Variants in CROCC2 observed in about 807,000 individuals in gnomAD.
The protein encoded by CROCC2 is ciliary rootlet coiled-coil, rootletin family member 2.
CROCC2 carries 163 observed loss-of-function variants against 177.6 expected under a neutral mutation model. That is an observed-to-expected ratio of 0.92 (90% CI 0.81 to 1.05). The LOEUF (loss-of-function observed/expected upper bound fraction) is 1.05, where lower values mean the gene tolerates loss of function less well. Ranked by LOEUF, CROCC2 falls within the 50% of genes least tolerant of loss-of-function variation. The pLI is 0.00. For synonymous variants in CROCC2, 904 were observed against 787.3 expected, an observed-to-expected ratio of 1.15 and a Z score of -2.48; for missense variants, 1,929 against 1,797.8, an observed-to-expected ratio of 1.07 and a Z score of -1.32.
At chr2:240,951,420 ATCTC>A (rs935688359) in intron 18 of CROCC2, among the ~76,000 whole-genome samples, 18 of 151,812 alleles carry the variant, frequency 1.2e-4, no homozygotes, top group African/African-American at 3.6e-4. Context: ...TCTGTCCATC[ATCTC>A]TCTATCCACC....
chr2:240,989,768 G>A lies in CROCC2; in HGVS notation c.4798G>A (p.Ala1600Thr). The change falls in exon 30 of 32, where the codon GCC becomes ACC. Residue 1600 changes from alanine to threonine, a missense_variant. This residue lies in a region of CROCC2 where 388 missense variants were observed against 352.7 expected (regional missense o/e 1.10). Coordinates refer to ENST00000690015, the MANE Select transcript of CROCC2 (RefSeq NM_001351305.2). The stretch of plus-strand genomic sequence containing the variant: ...GCGTCTCCATGGGGCCCGGCCGCAG[G>A]CCACGCAGGCCCTGGAGTCCCAAGA... Reference protein sequence around the residue: ...AERLHGARPQATQALESQEWT... With the variant: ...AERLHGARPQTTQALESQEWT... 1 of 1,550,148 alleles carries A rather than the reference G, an allele frequency of 6.5e-7. No individual in the cohort carries two copies. Among genetic ancestry groups the A allele is most frequent in the South Asian group, 1.2e-5 (1 of 84,038 alleles).
In CROCC2 at chr2:240,973,811, A is replaced by G. The variant is rs568820816; in HGVS notation, c.4401+5549A>G. On this transcript the variant is annotated intron_variant, in intron 27 of 31. Transcript: ENST00000690015. The surrounding 1 kb of genome is among the most constrained non-coding windows in gnomAD (Gnocchi z 4.7). Reference sequence around the variant, plus strand: ...TTTCAGATTTATTTGTGTTAAGAAAATTGTATTATTTTATAAAATGAGTTG... The same window carrying G: ...TTTCAGATTTATTTGTGTTAAGAAAGTTGTATTATTTTATAAAATGAGTTG... Among the ~76,000 whole-genome samples the G allele has an allele frequency of 2.0e-5, 3 of 152,328 alleles. No homozygotes were observed. The highest frequency in any genetic ancestry group is 2.1e-4 in the South Asian group (1 of 4,824).
At chr2:240,992,983 G>C (rs967735757) in intron 31 of CROCC2, 83 bp from the exon 32 acceptor site, 1 of 694,298 alleles carries the variant, frequency 1.4e-6, no homozygotes, top group Admixed American at 2.1e-5. Flanking sequence ...ACTCAGCATC[G>C]GTCCCTCCAG....
intron 21 of CROCC2, chr2:240,964,076 G>A (rs74001724): frequency 0.055 from 30,598 of 554,366 alleles, 3,290 homozygotes; most frequent in African/African-American, 0.3. Flanking sequence ...GGGGAGCAGA[G>A]GGAGGCCAAC....
intron 27 of CROCC2, among the ~76,000 whole-genome samples, chr2:240,979,594 G>T (rs372139807): frequency 6.5e-5 from 5 of 76,542 alleles, no homozygotes; most frequent in Admixed American, 1.3e-4. Context: ...AGCCTCAGGA[G>T]CCCAGGCTCA....
At chr2:240,945,990 C>A in intron 14 of CROCC2, 70 bp from the exon 15 acceptor site, 1 of 1,242,414 alleles carries the variant, frequency 8.0e-7, no homozygotes, top group Non-Finnish European at 1.1e-6. Flanking sequence ...TTCTTCCCCT[C>A]AAGAGGCCCA....
chr2:240,942,612 T>G (rs946609841), intron 14 of CROCC2, among the ~76,000 whole-genome samples: 6 of 152,230 alleles, frequency 3.9e-5, no homozygotes, highest in African/African-American at 1.2e-4. Context: ...GATATAAGCT[T>G]CTTCTAGAGG....
Position 240,916,772 on chromosome 2 carries a change from CG to C in CROCC2, c.79-1952del, listed in dbSNP as rs796451851. Among the ~76,000 whole-genome samples the C allele has an allele frequency of 6.6e-4, 100 of 152,324 alleles. 2 individuals are homozygous for C. The highest frequency in any genetic ancestry group is 2.3e-3 in the African/African-American group (97 of 41,572). On this transcript the variant is annotated intron_variant, in intron 1 of 31. Transcript: ENST00000690015. ...CGCAGGGCGGGAGCTGCTGAGCAGG[CG>C]GAGGGAGGGCGGGGCAGAGCCCTTC...
Position 240,965,814 on chromosome 2 carries a change from G to T in CROCC2, c.3782G>T (p.Arg1261Leu), listed in dbSNP as rs562621293. 7.5e-6 allele frequency: 11 copies of T among 1,466,190 alleles called. No homozygotes were observed. Among genetic ancestry groups the T allele is most frequent in the Non-Finnish European group, 9.9e-6 (11 of 1,106,778 alleles). The allele number at this position is 1,466,190 out of a possible 1,614,324, so 90.8% of individuals were successfully genotyped here. ...ASGVADALQARLDQACHRIHS... is the reference protein window; with the variant it reads ...ASGVADALQALLDQACHRIHS... ...GGTGTGGCTGATGCTCTCCAGGCTCGCCTGGACCAGGCCTGTCACCGAATC... is the reference window on the plus strand; with the variant it reads ...GGTGTGGCTGATGCTCTCCAGGCTCTCCTGGACCAGGCCTGTCACCGAATC... Residue 1261 changes from arginine to leucine, a missense_variant, in exon 24 of 32, where the codon CGC (arginine) becomes CTC (leucine). Physicochemically the swap from Arg to Leu is moderately radical, Grantham distance 102 (BLOSUM62 -2). Coordinates refer to ENST00000690015, the MANE Select transcript of CROCC2 (RefSeq NM_001351305.2).
chr2:240,933,716 GCAGA>G lies in CROCC2; in HGVS notation c.1511_1514del (p.Ala504ValfsTer70). ...GGTGGTGGAGGAGCTGAAAGGGAAG[GCAGA>G]TGCTGCAGATGCGGAGAAGCAGGGG... On this transcript the variant is annotated frameshift_variant, in exon 11 of 32. Coordinates refer to ENST00000690015, the MANE Select transcript of CROCC2 (RefSeq NM_001351305.2). LOFTEE classifies it high-confidence loss of function. The G allele has an allele frequency of 6.5e-7, 1 of 1,550,312 alleles. No homozygotes were observed. Among genetic ancestry groups the G allele is most frequent in the South Asian group, 1.2e-5 (1 of 84,056 alleles).
At chr2:240,985,748 GCACT>G (rs201890763) in intron 28 of CROCC2, among the ~76,000 whole-genome samples, 7 of 89,122 alleles carry the variant, frequency 7.9e-5, no homozygotes, top group African/African-American at 1.8e-4. Flanking sequence ...ACACACCCAG[GCACT>G]CACTCCACAC....
chr2:240,923,260 G>A (rs2059368838), intron 4 of CROCC2, among the ~76,000 whole-genome samples: 1 of 148,272 alleles, frequency 6.7e-6, no homozygotes, highest in African/African-American at 2.6e-5. Context: ...GGCGGAGAGG[G>A]ACAGAGCCCC....
intron 11 of CROCC2, among the ~76,000 whole-genome samples, 184 bp downstream of exon 11, chr2:240,934,036 A>G (rs1280528874): frequency 6.6e-6 from 1 of 152,192 alleles, no homozygotes; most frequent in African/African-American, 2.4e-5. Flanking sequence ...ACCATCCTCC[A>G]GACCAACCCT....
intron 9 of CROCC2, 84 bp downstream of exon 9, chr2:240,932,992 C>A: frequency 6.8e-7 from 1 of 1,468,296 alleles, no homozygotes; most frequent in South Asian, 1.4e-5. Context: ...GTTATGGGGC[C>A]TGCCCCTGAG....
At chr2:240,963,529 C>A (rs2059656731) in intron 20 of CROCC2, 27 bp from the exon 21 acceptor site, 3 of 1,502,698 alleles carry the variant, frequency 2.0e-6, no homozygotes, top group Non-Finnish European at 2.7e-6. Flanking sequence ...CCCCAGCGGG[C>A]CTCTAGAGCT....
chr2:240,932,798 A>C lies in CROCC2; in HGVS notation c.1141A>C (p.Thr381Pro). The change falls in exon 9 of 32, where the codon ACA (threonine) becomes CCA (proline). Residue 381 changes from threonine (T) to proline (P), a missense_variant. Coordinates refer to ENST00000690015, the MANE Select transcript of CROCC2 (RefSeq NM_001351305.2). ...RRPLRSPQRATSPHQGASPPH... is the reference protein window; with the variant it reads ...RRPLRSPQRAPSPHQGASPPH... ...CCCACTGAGGAGCCCCCAACGTGCC[A>C]CATCCCCCCATCAAGGGGCGTCCCC... 1 of 1,492,466 alleles carries C rather than the reference A, an allele frequency of 6.7e-7. No homozygotes were observed. The highest frequency in any genetic ancestry group is 9.1e-7 in the Non-Finnish European group (1 of 1,096,326). The allele number at this position is 1,492,466 out of a possible 1,614,324, so 92.5% of individuals were successfully genotyped here. A position where few individuals can be genotyped will look rare whatever the true frequency, so the allele number is the denominator to read the frequency against.
At position 240,950,470 on chromosome 2, in the gene CROCC2, G is replaced by A. The variant is rs369202466; in HGVS notation, c.2789G>A (p.Arg930Gln). ...KGEIQSLKQE[R>Q]DESLLQLEHK... ...GAAATTCAGAGCCTGAAGCAGGAGC[G>A]GGACGAGAGCCTTCTCCAACTGGAG... The change falls in exon 18 of 32, where the codon CGG becomes CAG. Residue 930 changes from arginine (R) to glutamine (Q), a missense_variant. By Grantham distance (43) the Arg-to-Gln change is conservative (BLOSUM62 1). Coordinates refer to ENST00000690015, the MANE Select transcript of CROCC2 (RefSeq NM_001351305.2). 4.8e-5 allele frequency: 75 copies of A among 1,550,204 alleles called. No individual in the cohort carries two copies. Among genetic ancestry groups the A allele is most frequent in the African/African-American group, 3.3e-4 (24 of 73,128 alleles).
intron 1 of CROCC2, 50 bp downstream of exon 1, chr2:240,906,641 G>A (rs531593282): frequency 1.6e-4 from 63 of 399,070 alleles, no homozygotes; most frequent in African/African-American, 1.1e-3. Context: ...AGGTTGCCAG[G>A]ACACTTTGGA....
chr2:240,942,912 T>C (rs534327477), intron 14 of CROCC2, among the ~76,000 whole-genome samples: 7 of 152,334 alleles, frequency 4.6e-5, no homozygotes, highest in Non-Finnish European at 1.0e-4. Context: ...ACTATCTGAC[T>C]TCTCAGACTG....
Sources: gnomAD v4.1 joint callset for allele counts (sites outside exome capture counted in the v4.1 genomes callset) on GRCh38, gnomAD v4.1.1 for gene constraint, gnomAD v4.1.1 regional missense constraint, Gnocchi (gnomAD v3.1) non-coding constraint, MANE v1.5 for transcripts, NCBI Gene and HGNC (gene_info 2026-07-23, HGNC 2026-07-21) for gene names.